ADCY1: variants seen among roughly 807,000 people sequenced by gnomAD.
ADCY1 encodes adenylate cyclase type 1.
ADCY1 carries 28 observed loss-of-function variants against 105.4 expected under a neutral mutation model. The ratio of observed to expected loss-of-function variants is 0.27; its 90% CI spans 0.20 to 0.36. The LOEUF is 0.36. Ranked by LOEUF, ADCY1 falls within the 10% of genes least tolerant of loss-of-function variation. The pLI, the probability that ADCY1 is intolerant of heterozygous loss-of-function variation, is 1.00. For missense variants in ADCY1, 977 were observed against 1,434.2 expected, an observed-to-expected ratio of 0.68 and a Z score of 5.15; for synonymous variants, 655 against 623.8, an observed-to-expected ratio of 1.05 and a Z score of -0.75.
intron 14 of ADCY1, among the ~76,000 whole-genome samples, chr7:45,691,841 ACCTGGTTCCACCT>A (rs1362058556): frequency 6.6e-6 from 1 of 152,160 alleles, no homozygotes; most frequent in Non-Finnish European, 1.5e-5. Flanking sequence ...TAAGTTAGAG[ACCTGGTTCCACCT>A]CTTACTCTGG....
chr7:45,622,138 G>A (rs1363444463), intron 3 of ADCY1, among the ~76,000 whole-genome samples: 3 of 152,096 alleles, frequency 2.0e-5, no homozygotes, highest in Admixed American at 6.5e-5. Context: ...CCAGGAATTC[G>A]GGGACTCCCT....
intron 14 of ADCY1, among the ~76,000 whole-genome samples, chr7:45,700,727 A>G (rs1207633060): frequency 6.6e-6 from 1 of 152,234 alleles, no homozygotes; most frequent in East Asian, 1.9e-4. Context: ...TGGGGACATC[A>G]CTTCTGAGAC....
At position 45,717,960 on chromosome 7, in the gene ADCY1, C is replaced by T. The variant is rs1785389451; in HGVS notation, c.*3965C>T. ...AGATAAGCCATGCATACAAGTTTGC[C>T]CCATTCTCTGGCTTGGGGTGGTGGG... On this transcript the variant is annotated 3_prime_UTR_variant, in exon 20 of 20. Coordinates refer to ENST00000297323, the MANE Select transcript of ADCY1 (RefSeq NM_021116.4). 1 of 152,528 alleles carries T rather than the reference C, an allele frequency of 6.6e-6. No individual in the cohort carries two copies. The highest frequency in any genetic ancestry group is 2.1e-4 in the South Asian group (1 of 4,830). 9.4% of individuals were successfully genotyped at this position (152,528 alleles called of 1,614,324 possible).
In ADCY1 at chr7:45,685,528, C is replaced by G. The variant is rs141855307; in HGVS notation, c.2074-434C>G. 3.7e-4 allele frequency among the ~76,000 whole-genome samples: 55 copies of G among 149,418 alleles called. No individual in the cohort carries two copies. In the East Asian group the frequency reaches 0.01, roughly 27 times the overall value. On this transcript the variant is annotated intron_variant, in intron 12 of 19. Transcript: ENST00000297323. Reference sequence around the variant, plus strand: ...GGCAGGAGAAACAGGAAGGACAGAGCTGGGGGCAGGAGGAACAGGACGGAG... The same window carrying G: ...GGCAGGAGAAACAGGAAGGACAGAGGTGGGGGCAGGAGGAACAGGACGGAG...
intron 14 of ADCY1, among the ~76,000 whole-genome samples, chr7:45,697,833 A>G (rs1784916354): frequency 6.6e-6 from 1 of 152,216 alleles, no homozygotes; most frequent in Non-Finnish European, 1.5e-5. Flanking sequence ...TCAGCTCAGA[A>G]GCTCCTTAGG....
Position 45,708,459 on chromosome 7 carries a change from G to A in ADCY1, c.2927G>A (p.Arg976Gln), listed in dbSNP as rs1785165601. ...NYQSYNDFVL[R>Q]VGINVGPVVA... is the part of the protein sequence containing the mutation. ...CAGTCTTACAACGACTTTGTCCTCC[G>A]AGTTGGTATGTGGCTCTAAACCTAT... The change falls in exon 18 of 20, where the codon CGA becomes CAA. Residue 976 changes from arginine to glutamine, a missense_variant. Arg to Gln is a conservative substitution (Grantham distance 43). Coordinates refer to ENST00000297323, the MANE Select transcript of ADCY1 (RefSeq NM_021116.4). The surrounding 1 kb of genome is among the most constrained non-coding windows in gnomAD (Gnocchi z 4.7). The A allele has an allele frequency of 6.2e-7, 1 of 1,611,448 alleles. No individual in the cohort carries two copies. The highest frequency in any genetic ancestry group is 8.5e-7 in the Non-Finnish European group (1 of 1,177,552).
chr7:45,574,272 G>A, upstream of ADCY1: 2 of 387,308 alleles, frequency 5.2e-6, no homozygotes, highest in African/African-American at 2.2e-5. The surrounding 1 kb of genome is among the most constrained non-coding windows in gnomAD (Gnocchi z 7.0). Flanking sequence ...CCAGGTTCGC[G>A]GCTCCCGGGG....
Position 45,591,785 on chromosome 7 carries a change from A to G in ADCY1, c.640-974A>G, listed in dbSNP as rs1172346298. ...CGGCAGCAGGCAGTGGGGAGTGGGA[A>G]GTGATTGTGGAGGGGAACCCTGGGT... On this transcript the variant is annotated intron_variant, in intron 1 of 19. Transcript: ENST00000297323. The surrounding 1 kb of genome is among the most constrained non-coding windows in gnomAD (Gnocchi z 4.1). Among the ~76,000 whole-genome samples, 1 of 152,150 alleles carries G rather than the reference A, an allele frequency of 6.6e-6. No homozygotes were observed. Among genetic ancestry groups the G allele is most frequent in the Non-Finnish European group, 1.5e-5 (1 of 68,022 alleles).
At chr7:45,706,015 A>G (rs771940913) in intron 17 of ADCY1, among the ~76,000 whole-genome samples, 113 of 152,254 alleles carry the variant, frequency 7.4e-4, no homozygotes, top group Non-Finnish European at 1.1e-3. Flanking sequence ...CAAGATCTAT[A>G]TGAGCAAAAC....
At chr7:45,644,689 G>A (rs1794613862) in intron 4 of ADCY1, among the ~76,000 whole-genome samples, 1 of 152,124 alleles carries the variant, frequency 6.6e-6, no homozygotes, top group African/African-American at 2.4e-5. Context: ...TCTTCTTTTG[G>A]AGGAGACACA....
At chr7:45,712,294 C>G (rs144645296) in intron 19 of ADCY1, among the ~76,000 whole-genome samples, 2 of 145,536 alleles carry the variant, frequency 1.4e-5, no homozygotes, top group Non-Finnish European at 3.0e-5. Flanking sequence ...TGACTGTATC[C>G]TGCACCCTTC....
intron 3 of ADCY1, among the ~76,000 whole-genome samples, chr7:45,619,700 G>A (rs1793839940): frequency 2.0e-5 from 3 of 152,198 alleles, no homozygotes; most frequent in Admixed American, 2.0e-4. Flanking sequence ...TAGCAGCAAA[G>A]TAGAATGGTG....
At chr7:45,667,626 C>G (rs1759559623) in intron 8 of ADCY1, among the ~76,000 whole-genome samples, 1 of 152,054 alleles carries the variant, frequency 6.6e-6, no homozygotes, top group Non-Finnish European at 1.5e-5. Context: ...TTTTTTGGTT[C>G]CATATGAACT....
intron 8 of ADCY1, among the ~76,000 whole-genome samples, chr7:45,663,894 T>C (rs1795197493): frequency 6.6e-6 from 1 of 151,936 alleles, no homozygotes; most frequent in South Asian, 2.1e-4. Flanking sequence ...TGTGGGACCA[T>C]AGCTATAGCA....
intron 4 of ADCY1, among the ~76,000 whole-genome samples, chr7:45,627,812 C>T (rs1389789606): frequency 1.3e-5 from 2 of 152,130 alleles, no homozygotes. Flanking sequence ...CACTTCTTAC[C>T]CTCCCCATAG....
At chr7:45,711,999 T>A (rs1391264707) in intron 19 of ADCY1, among the ~76,000 whole-genome samples, 17 of 118,022 alleles carry the variant, frequency 1.4e-4, no homozygotes, top group African/African-American at 4.3e-4. Context: ...ATTTTATATA[T>A]TATATTAAAT....
chr7:45,690,002 G>C (rs916165028), intron 14 of ADCY1, among the ~76,000 whole-genome samples: 2 of 152,238 alleles, frequency 1.3e-5, no homozygotes, highest in African/African-American at 2.4e-5. Flanking sequence ...TGCAAAGGGA[G>C]GGCGATAGGA....
At chr7:45,628,611 T>C (rs755205241) in intron 4 of ADCY1, among the ~76,000 whole-genome samples, 35 of 152,164 alleles carry the variant, frequency 2.3e-4, no homozygotes, top group Admixed American at 7.2e-4. Flanking sequence ...TTTGGTGTCT[T>C]TAGGAAAATT....
chr7:45,708,352 T>C lies in ADCY1; in HGVS notation c.2820T>C (p.Ala940=), dbSNP rs1785163233. The C allele has an allele frequency of 6.2e-7, 1 of 1,613,314 alleles. No homozygotes were observed. Among genetic ancestry groups the C allele is most frequent in the Non-Finnish European group, 8.5e-7 (1 of 1,179,332 alleles). The change falls in exon 18 of 20, where the codon GCT becomes GCC. Residue 940 remains alanine (A), a splice_region_variant and synonymous_variant. Coordinates refer to ENST00000297323, the MANE Select transcript of ADCY1 (RefSeq NM_021116.4). The surrounding 1 kb of genome is among the most constrained non-coding windows in gnomAD (Gnocchi z 4.7). ...VGLAPTSGTK[A]KKSISSHLST... ...TGACCCCATCTGTTTACACCTAGGCTAAGAAGTCCATCTCCTCCCACCTGA... is the reference window on the plus strand; with the variant it reads ...TGACCCCATCTGTTTACACCTAGGCCAAGAAGTCCATCTCCTCCCACCTGA...
Sources: gnomAD v4.1 joint callset for allele counts (sites outside exome capture counted in the v4.1 genomes callset) on GRCh38, gnomAD v4.1.1 for gene constraint, Gnocchi (gnomAD v3.1) non-coding constraint, MANE v1.5 for transcripts, NCBI Gene and HGNC (gene_info 2026-07-23, HGNC 2026-07-21) for gene names.